The following BAZ2B variants were observed in gnomAD, a reference collection of about 807,000 sequenced individuals.
BAZ2B encodes the protein bromodomain adjacent to zinc finger domain 2B.
A neutral mutation model predicts 246.0 loss-of-function variants in BAZ2B; 91 were observed. The ratio of observed to expected loss-of-function variants is 0.37; its 90% confidence interval spans 0.31 to 0.44. The LOEUF (loss-of-function observed/expected upper bound fraction) is 0.44, where lower values mean the gene tolerates loss of function less well. Among genes scored for constraint, BAZ2B ranks in the 20% least tolerant of loss-of-function variants. The probability of loss-of-function intolerance (pLI) is 1.00; values close to 1 mark genes in which losing one functional copy is unlikely to be tolerated. For missense variants in BAZ2B, 2,332 were observed against 2,533.7 expected, an observed-to-expected ratio of 0.92 and a Z score of 1.71; for synonymous variants, 855 against 860.0, an observed-to-expected ratio of 0.99 and a Z score of 0.10.
intron 27 of BAZ2B, among the ~76,000 whole-genome samples, chr2:159,366,699 G>C (rs3755430): frequency 0.62 from 93,973 of 152,108 alleles, 31,678 homozygotes; most frequent in Non-Finnish European, 0.78. Flanking sequence ...TAATATTAGA[G>C]AATTGCATAG....
intron 2 of BAZ2B, among the ~76,000 whole-genome samples, chr2:159,537,647 TAA>T (rs1174487390): frequency 2.0e-5 from 3 of 152,254 alleles, no homozygotes; most frequent in Non-Finnish European, 4.4e-5. Context: ...TTCAAATGTG[TAA>T]ACTGTTTTTT....
chr2:159,430,967 A>T lies in BAZ2B; in HGVS notation c.2090T>A (p.Ile697Lys). 1 of 1,614,008 alleles carries T rather than the reference A, an allele frequency of 6.2e-7. No individual in the cohort carries two copies. Among genetic ancestry groups the T allele is most frequent in the Non-Finnish European group, 8.5e-7 (1 of 1,179,898 alleles). Residue 697 changes from isoleucine (I) to lysine (K), a missense_variant, in exon 10 of 37, where the codon ATA (isoleucine) becomes AAA (lysine). This residue lies in a region of BAZ2B where 651 missense variants were observed against 650.9 expected (regional missense o/e 1.00). Coordinates refer to ENST00000392783, the MANE Select transcript of BAZ2B (RefSeq NM_013450.4). ...TGHSTPRNLH[I>K]AKAPGSAPAA... ...AGGAGCAGAGCCTGGGGCTTTTGCT[A>T]TGTGGAGGTTACGAGGTGTTGAGTG...
At chr2:159,572,585 T>C (rs190084276) in intron 1 of BAZ2B, among the ~76,000 whole-genome samples, 1 of 152,306 alleles carries the variant, frequency 6.6e-6, no homozygotes, top group Admixed American at 6.5e-5. Context: ...AAATAGAAGA[T>C]ATATTAAACT....
chr2:159,588,227 A>AC (rs1408852335), intron 1 of BAZ2B, among the ~76,000 whole-genome samples: 1 of 151,718 alleles, frequency 6.6e-6, no homozygotes, highest in African/African-American at 2.4e-5. Context: ...AAAAAAAAAA[A>AC]AAAAACCCCT....
At chr2:159,322,162 G>C (rs1347171379) in intron 36 of BAZ2B, 1 of 152,112 alleles carries the variant, frequency 6.6e-6, no homozygotes, top group African/African-American at 2.4e-5. Context: ...TCTTCTGTGC[G>C]ATAATGAAAG....
At chr2:159,506,869 G>A (rs2082383825) in intron 2 of BAZ2B, among the ~76,000 whole-genome samples, 1 of 152,130 alleles carries the variant, frequency 6.6e-6, no homozygotes, top group African/African-American at 2.4e-5. Context: ...AAGGAAAAGA[G>A]AAAGAGTAAT....
intron 1 of BAZ2B, among the ~76,000 whole-genome samples, chr2:159,604,965 C>T (rs936032910): frequency 7.7e-5 from 11 of 143,590 alleles, no homozygotes; most frequent in African/African-American, 2.6e-4. Context: ...CGTGTGTGCG[C>T]GCGCTAGGAG....
intron 27 of BAZ2B, among the ~76,000 whole-genome samples, chr2:159,370,527 C>G (rs565651229): frequency 6.6e-6 from 1 of 151,768 alleles, no homozygotes. Context: ...CCCGCCACCA[C>G]GCCCGGCTAA....
chr2:159,370,083 C>T (rs2060655406), intron 27 of BAZ2B, among the ~76,000 whole-genome samples: 3 of 152,122 alleles, frequency 2.0e-5, no homozygotes, highest in African/African-American at 7.2e-5. Flanking sequence ...AAAAACCAAA[C>T]ACCGCATGTT....
intron 3 of BAZ2B, chr2:159,462,353 C>A: frequency 1.8e-6 from 2 of 1,099,972 alleles, no homozygotes; most frequent in South Asian, 2.8e-5. Flanking sequence ...CATGTTGAAT[C>A]CTTGTCTTTC....
intron 32 of BAZ2B, 106 bp from the exon 33 acceptor site, chr2:159,337,183 C>T: frequency 2.2e-6 from 3 of 1,378,724 alleles, no homozygotes; most frequent in Non-Finnish European, 3.0e-6. Flanking sequence ...AAACATGTAA[C>T]AGCCAATAAG....
intron 1 of BAZ2B, among the ~76,000 whole-genome samples, chr2:159,612,362 A>G (rs1694891452): frequency 6.6e-6 from 1 of 152,126 alleles, no homozygotes; most frequent in African/African-American, 2.4e-5. Flanking sequence ...CTCTTAAAAT[A>G]CCTAACTAGG....
chr2:159,677,294 T>G, the BAZ2B span, among the ~76,000 whole-genome samples: 1 of 151,952 alleles, frequency 6.6e-6, no homozygotes, highest in Non-Finnish European at 1.5e-5. Context: ...TTTCCAATAT[T>G]TTTTCTAAAT....
chr2:159,481,217 C>G (rs939752083), intron 2 of BAZ2B, among the ~76,000 whole-genome samples: 1 of 151,996 alleles, frequency 6.6e-6, no homozygotes, highest in Non-Finnish European at 1.5e-5. Flanking sequence ...ATCATCCCCT[C>G]TAAAGCACAA....
chr2:159,350,363 A>G lies in BAZ2B; in HGVS notation c.4214-6T>C, dbSNP rs1350655405. On this transcript the variant is annotated splice_region_variant and splice_polypyrimidine_tract_variant and intron_variant, in intron 27 of 36. Transcript: ENST00000392783. ...TTTTGCAATTTCTTCTAGTCCTACAAAATGAAAAAGCATTATGAACATCAG... is the reference window on the plus strand; with the variant it reads ...TTTTGCAATTTCTTCTAGTCCTACAGAATGAAAAAGCATTATGAACATCAG... 1.2e-5 allele frequency: 18 copies of G among 1,517,204 alleles called. No homozygotes were observed. Among genetic ancestry groups the G allele is most frequent in the East Asian group, 2.3e-5 (1 of 43,864 alleles). The allele number at this position is 1,517,204 out of a possible 1,614,324, so 94.0% of individuals were successfully genotyped here.
At chr2:159,631,280 CTG>C in the BAZ2B span, among the ~76,000 whole-genome samples, 1 of 151,970 alleles carries the variant, frequency 6.6e-6, no homozygotes, top group East Asian at 2.0e-4. Flanking sequence ...CATAAAAACT[CTG>C]TGATACTGAA....
chr2:159,509,019 T>C (rs1375171590), intron 2 of BAZ2B, among the ~76,000 whole-genome samples: 1 of 152,228 alleles, frequency 6.6e-6, no homozygotes, highest in African/African-American at 2.4e-5. Context: ...CCCTCACTGA[T>C]CTATGAAAAG....
intron 13 of BAZ2B, among the ~76,000 whole-genome samples, chr2:159,417,849 C>T (rs919761762): frequency 6.6e-6 from 1 of 152,136 alleles, no homozygotes; most frequent in Non-Finnish European, 1.5e-5. Context: ...TAGGACCACA[C>T]CCTCAGTAAT....
intron 27 of BAZ2B, among the ~76,000 whole-genome samples, chr2:159,364,026 G>A (rs2059976302): frequency 6.6e-6 from 1 of 152,286 alleles, no homozygotes; most frequent in South Asian, 2.1e-4. Flanking sequence ...TTGTGAGTTT[G>A]AGTCAACTCT....
Sources: gnomAD v4.1 joint callset for allele counts (sites outside exome capture counted in the v4.1 genomes callset) on GRCh38, gnomAD v4.1.1 for gene constraint, gnomAD v4.1.1 regional missense constraint, MANE v1.5 for transcripts, NCBI Gene and HGNC (gene_info 2026-07-23, HGNC 2026-07-21) for gene names.